ZBTB7C: variants seen among roughly 807,000 people sequenced by gnomAD.
ZBTB7C encodes zinc finger and BTB domain-containing protein 7C.
ZBTB7C carries 8 observed loss-of-function variants against 25.7 expected under a neutral mutation model. The observed-to-expected ratio is 0.31, with a 90% CI of 0.18 to 0.56. The LOEUF (loss-of-function observed/expected upper bound fraction) is 0.56. Ranked by LOEUF, ZBTB7C falls within the 20% of genes least tolerant of loss-of-function variation. The pLI, the probability that ZBTB7C is intolerant of heterozygous loss-of-function variation, is 0.91. For synonymous variants in ZBTB7C, 394 were observed against 369.0 expected (o/e 1.07, Z -0.78); for missense variants, 824 against 855.2 (o/e 0.96, Z 0.46).
intron 2 of ZBTB7C, among the ~76,000 whole-genome samples, chr18:48,253,051 G>A (rs2043914577): frequency 6.6e-6 from 1 of 152,114 alleles, no homozygotes; most frequent in South Asian, 2.1e-4. Context: ...GGAAAGAGAT[G>A]TGCTTGGACT....
At chr18:48,199,636 C>T (rs1201940860) in intron 2 of ZBTB7C, among the ~76,000 whole-genome samples, 1 of 151,618 alleles carries the variant, frequency 6.6e-6, no homozygotes, top group Admixed American at 6.6e-5. Flanking sequence ...TTTTCCTCCC[C>T]CTCCTTCTCC....
chr18:48,308,761 T>C (rs1206209152), intron 2 of ZBTB7C, among the ~76,000 whole-genome samples: 3 of 152,204 alleles, frequency 2.0e-5, no homozygotes, highest in Non-Finnish European at 2.9e-5. Context: ...TCTTAAATTA[T>C]GGTCTCAGGA....
intron 2 of ZBTB7C, among the ~76,000 whole-genome samples, chr18:48,309,876 T>C (rs1043314621): frequency 5.1e-4 from 77 of 152,238 alleles, no homozygotes; most frequent in African/African-American, 1.8e-3. Flanking sequence ...GTGAGTTCTA[T>C]TTGCCGGGTT....
chr18:48,153,314 C>T (rs1254071836), intron 3 of ZBTB7C, among the ~76,000 whole-genome samples: 1 of 152,202 alleles, frequency 6.6e-6, no homozygotes, highest in Non-Finnish European at 1.5e-5. Context: ...GCCCATTTTA[C>T]AGATGGGGTA....
intron 1 of ZBTB7C, among the ~76,000 whole-genome samples, chr18:48,402,566 T>C (rs1489137083): frequency 6.6e-6 from 1 of 152,194 alleles, no homozygotes; most frequent in African/African-American, 2.4e-5. Context: ...CCTGCTAAAA[T>C]CTTTGGTGAA....
intron 2 of ZBTB7C, among the ~76,000 whole-genome samples, chr18:48,203,264 T>G (rs1416052799): frequency 6.6e-6 from 1 of 152,116 alleles, no homozygotes; most frequent in Non-Finnish European, 1.5e-5. Flanking sequence ...ACAGCGTGGC[T>G]CCAAGCACAG....
Position 48,084,773 on chromosome 18 carries a change from T to C in ZBTB7C, c.-16-43650A>G, listed in dbSNP as rs557873711. 1.8e-4 allele frequency among the ~76,000 whole-genome samples: 28 copies of C among 152,264 alleles called. No individual in the cohort carries two copies. In the South Asian group the frequency reaches 5.8e-3, roughly 32 times the overall value. ...CATGCACCTCAGGACCTAGTAAGTA[T>C]GTTGAGTTTGAAGCACTTGGCAAGG... On this transcript the variant is annotated intron_variant, in intron 3 of 4. Transcript: ENST00000590800.
intron 2 of ZBTB7C, among the ~76,000 whole-genome samples, chr18:48,302,133 C>T (rs909941105): frequency 5.3e-5 from 8 of 152,204 alleles, no homozygotes; most frequent in Admixed American, 2.0e-4. Context: ...CAGGAGTTGA[C>T]GCTGGCTTTT....
At chr18:48,348,640 A>C (rs552914072) in intron 1 of ZBTB7C, among the ~76,000 whole-genome samples, 39 of 152,356 alleles carry the variant, frequency 2.6e-4, no homozygotes, top group African/African-American at 7.9e-4. Context: ...AACATGGTGA[A>C]ACCTTGTCTC....
chr18:48,103,696 A>G (rs1598883803), intron 3 of ZBTB7C, among the ~76,000 whole-genome samples: 1 of 152,108 alleles, frequency 6.6e-6, no homozygotes, highest in African/African-American at 2.4e-5. Context: ...ATATCCATCA[A>G]CTGGTGAATG....
At chr18:48,041,838 CA>C (rs2036257013) in intron 3 of ZBTB7C, among the ~76,000 whole-genome samples, 1 of 151,932 alleles carries the variant, frequency 6.6e-6, no homozygotes, top group Admixed American at 6.6e-5. Context: ...ATGCAATATT[CA>C]ATATAAATAT....
chr18:48,377,520 C>T (rs2145193653), intron 1 of ZBTB7C, among the ~76,000 whole-genome samples: 1 of 152,340 alleles, frequency 6.6e-6, no homozygotes, highest in East Asian at 1.9e-4. Flanking sequence ...TCTTCAACAA[C>T]TGCTAAGGCC....
At chr18:48,030,749 G>T (rs565670372) in intron 4 of ZBTB7C, among the ~76,000 whole-genome samples, 1 of 152,324 alleles carries the variant, frequency 6.6e-6, no homozygotes, top group East Asian at 1.9e-4. Context: ...AGCTGAACCT[G>T]GTGCCAGACA....
chr18:48,213,104 G>A (rs2042741185), intron 2 of ZBTB7C, among the ~76,000 whole-genome samples: 1 of 151,654 alleles, frequency 6.6e-6, no homozygotes, highest in South Asian at 2.1e-4. Flanking sequence ...AGTTCTCCCT[G>A]GAGCTCTCAT....
chr18:48,233,998 C>T (rs1363285867), intron 2 of ZBTB7C, among the ~76,000 whole-genome samples: 1 of 152,166 alleles, frequency 6.6e-6, no homozygotes, highest in Non-Finnish European at 1.5e-5. Context: ...ACTAAACTTT[C>T]CAGTGAAAGT....
chr18:48,097,899 CA>C (rs1241423562), intron 3 of ZBTB7C, among the ~76,000 whole-genome samples: 2 of 148,722 alleles, frequency 1.3e-5, no homozygotes, highest in Non-Finnish European at 3.0e-5. Context: ...TTTTTACTTA[CA>C]AAAGCATCTT....
chr18:48,120,608 T>A (rs1352431348), intron 3 of ZBTB7C, among the ~76,000 whole-genome samples: 1 of 150,812 alleles, frequency 6.6e-6, no homozygotes, highest in East Asian at 1.9e-4. Flanking sequence ...GACTCCGTCT[T>A]AAAAAAAAAT....
chr18:48,127,652 G>A (rs529254802), intron 3 of ZBTB7C, among the ~76,000 whole-genome samples: 54 of 152,330 alleles, frequency 3.5e-4, no homozygotes, highest in Non-Finnish European at 1.5e-4. Context: ...TTCTCCCCAC[G>A]TGAGGCTCAC....
At chr18:48,350,076 T>C (rs890491386) in intron 1 of ZBTB7C, among the ~76,000 whole-genome samples, 3 of 152,210 alleles carry the variant, frequency 2.0e-5, no homozygotes, top group African/African-American at 7.2e-5. Context: ...AAAACTGTTT[T>C]CTTTGTTTAT....
Sources: allele counts gnomAD v4.1 joint callset (sites outside exome capture counted in the v4.1 genomes callset), GRCh38; gene constraint gnomAD v4.1.1; transcripts MANE v1.5; gene names NCBI Gene and HGNC (gene_info 2026-07-23, HGNC 2026-07-21).